Variants in FHIT observed in about 807,000 individuals in gnomAD.
FHIT encodes the protein bis(5'-adenosyl)-triphosphatase.
In FHIT, 19 loss-of-function variants were observed where a neutral mutation model predicts 17.9. The ratio of observed to expected loss-of-function variants is 1.06; its 90% confidence interval spans 0.74 to 1.56. The LOEUF (loss-of-function observed/expected upper bound fraction) is 1.56, where lower values mean the gene tolerates loss of function less well. FHIT is among the 40% of genes most tolerant of loss of function. The pLI, the probability that FHIT is intolerant of heterozygous loss-of-function variation, is 0.00. For missense variants in FHIT, 248 were observed against 189.2 expected (o/e 1.31, Z -1.82); for synonymous variants, 81 against 69.7 (o/e 1.16, Z -0.81).
Position 59,793,675 on chromosome 3 carries a change from TG to T in FHIT, c.349-41355del, listed in dbSNP as rs1699662674. Among the ~76,000 whole-genome samples the T allele has an allele frequency of 3.9e-5, 6 of 152,340 alleles. No homozygotes were observed. The South Asian group carries it at 1.2e-3, about 32-fold the overall frequency. On this transcript the variant is annotated intron_variant, in intron 8 of 9. Coordinates refer to ENST00000492590, the MANE Select transcript of FHIT (RefSeq NM_002012.4). ...AGGAAATGCAGGATTTACATGACTTTGGTCAAGTGAGGGGACAGGACTTTAA... is the reference window on the plus strand; with the variant it reads ...AGGAAATGCAGGATTTACATGACTTTGTCAAGTGAGGGGACAGGACTTTAA...
chr3:61,013,311 G>T (rs2031902993), intron 3 of FHIT, among the ~76,000 whole-genome samples: 1 of 152,132 alleles, frequency 6.6e-6, no homozygotes, highest in East Asian at 1.9e-4. Flanking sequence ...TTTCTGAATA[G>T]CTAAGGTCTC....
intron 2 of FHIT, among the ~76,000 whole-genome samples, chr3:61,049,313 T>C (rs1324604795): frequency 1.3e-5 from 2 of 151,810 alleles, no homozygotes. Flanking sequence ...ATTTCCTGCC[T>C]ATGTGAACTG....
chr3:60,460,227 T>C (rs779819274), intron 5 of FHIT, among the ~76,000 whole-genome samples: 1 of 152,150 alleles, frequency 6.6e-6, no homozygotes, highest in African/African-American at 2.4e-5. Flanking sequence ...TTGGGAAACA[T>C]TAAAATTAGG....
At chr3:60,488,919 G>C (rs753017000) in intron 5 of FHIT, among the ~76,000 whole-genome samples, 4 of 152,086 alleles carry the variant, frequency 2.6e-5, no homozygotes, top group Non-Finnish European at 5.9e-5. Flanking sequence ...GACTGCAAAT[G>C]AACAAAATCT....
intron 5 of FHIT, among the ~76,000 whole-genome samples, chr3:60,360,867 TA>T (rs1267801420): frequency 7.2e-5 from 11 of 152,284 alleles, no homozygotes; most frequent in African/African-American, 2.6e-4. Context: ...CTGCTCAAGT[TA>T]TATCCCTCCA....
At chr3:60,012,470 T>A (rs1352696506) in intron 6 of FHIT, among the ~76,000 whole-genome samples, 2 of 151,960 alleles carry the variant, frequency 1.3e-5, no homozygotes, top group Non-Finnish European at 2.9e-5. Context: ...GGTTTTGCCA[T>A]GTTGCCCAAG....
At chr3:60,217,735 A>G (rs544310682) in intron 5 of FHIT, among the ~76,000 whole-genome samples, 61 of 152,076 alleles carry the variant, frequency 4.0e-4, no homozygotes, top group African/African-American at 1.3e-3. Flanking sequence ...AAATGCATCA[A>G]ATTTCTCCCA....
chr3:60,205,744 C>A (rs1703141757), intron 5 of FHIT, among the ~76,000 whole-genome samples: 1 of 152,012 alleles, frequency 6.6e-6, no homozygotes, highest in Non-Finnish European at 1.5e-5. Context: ...TATGTGTATT[C>A]TTGAATTTCA....
chr3:60,344,775 C>G (rs773180124), intron 5 of FHIT, among the ~76,000 whole-genome samples: 1 of 152,048 alleles, frequency 6.6e-6, no homozygotes, highest in African/African-American at 2.4e-5. Context: ...AAACTGTATT[C>G]TAACACTCTT....
At chr3:60,242,115 A>G (rs1705159238) in intron 5 of FHIT, among the ~76,000 whole-genome samples, 1 of 152,130 alleles carries the variant, frequency 6.6e-6, no homozygotes, top group Non-Finnish European at 1.5e-5. Flanking sequence ...AACTAAAAAT[A>G]TGTATTATCT....
At chr3:60,928,444 G>A (rs527764457) in intron 3 of FHIT, among the ~76,000 whole-genome samples, 1 of 151,672 alleles carries the variant, frequency 6.6e-6, no homozygotes, top group Non-Finnish European at 1.5e-5. Flanking sequence ...AGCTACTCAG[G>A]AGGCTGAGGC....
intron 4 of FHIT, among the ~76,000 whole-genome samples, chr3:60,637,921 A>C (rs2039629909): frequency 1.3e-5 from 2 of 152,188 alleles, no homozygotes; most frequent in South Asian, 2.1e-4. Context: ...TGAATTGGCA[A>C]ATTTTGTTGT....
intron 2 of FHIT, among the ~76,000 whole-genome samples, chr3:61,160,598 A>C (rs780765669): frequency 1.3e-5 from 2 of 152,180 alleles, no homozygotes; most frequent in African/African-American, 4.8e-5. Flanking sequence ...AACAGAAGGA[A>C]GAAAAATAAT....
chr3:60,421,593 T>A lies in FHIT; in HGVS notation c.103+115267A>T, dbSNP rs1702468543. The stretch of plus-strand genomic sequence containing the variant: ...TGCTATAAAGTATTATTTTATTTTG[T>A]TAGGTATTCCATTTAATACTATAGA... On this transcript the variant is annotated intron_variant, in intron 5 of 9. Coordinates refer to ENST00000492590, the MANE Select transcript of FHIT (RefSeq NM_002012.4). 2.0e-5 allele frequency among the ~76,000 whole-genome samples: 3 copies of A among 152,246 alleles called. No homozygotes were observed. The South Asian group carries it at 6.2e-4, about 32-fold the overall frequency.
intron 4 of FHIT, among the ~76,000 whole-genome samples, chr3:60,597,405 T>G (rs1279183054): frequency 1.3e-5 from 2 of 152,148 alleles, no homozygotes; most frequent in African/African-American, 4.8e-5. Flanking sequence ...CATATAGATC[T>G]AAGAGCTTTC....
At chr3:59,863,605 C>G (rs1702502187) in intron 8 of FHIT, among the ~76,000 whole-genome samples, 1 of 152,210 alleles carries the variant, frequency 6.6e-6, no homozygotes. Context: ...CTCCCTGTGT[C>G]TAGCTCATAG....
At chr3:59,792,944 A>G (rs1012748023) in intron 8 of FHIT, among the ~76,000 whole-genome samples, 3 of 151,688 alleles carry the variant, frequency 2.0e-5, no homozygotes, top group Non-Finnish European at 1.5e-5. Flanking sequence ...TGAAGCTCCA[A>G]TAGCACCTCA....
At chr3:60,167,130 G>C (rs931433266) in intron 5 of FHIT, among the ~76,000 whole-genome samples, 1 of 152,056 alleles carries the variant, frequency 6.6e-6, no homozygotes, top group Non-Finnish European at 1.5e-5. Context: ...CTTTCTAAGA[G>C]TTCTGCCTCA....
At chr3:60,624,389 C>G (rs991115211) in intron 4 of FHIT, among the ~76,000 whole-genome samples, 3 of 152,152 alleles carry the variant, frequency 2.0e-5, no homozygotes, top group Non-Finnish European at 4.4e-5. Context: ...ATCCCTACAG[C>G]TGGTGTGGAT....
Sources: gnomAD v4.1 joint callset for allele counts (sites outside exome capture counted in the v4.1 genomes callset) on GRCh38, gnomAD v4.1.1 for gene constraint, MANE v1.5 for transcripts, NCBI Gene and HGNC (gene_info 2026-07-23, HGNC 2026-07-21) for gene names.